PPP2R2C: variants seen among roughly 807,000 people sequenced by gnomAD.
PPP2R2C encodes the protein protein phosphatase 2, regulatory subunit B, gamma.
In PPP2R2C, 10 loss-of-function variants were observed where a neutral mutation model predicts 45.3. The observed-to-expected ratio is 0.22, with a 90% CI of 0.14 to 0.37. The LOEUF (loss-of-function observed/expected upper bound fraction) is 0.37, where lower values mean the gene tolerates loss of function less well. PPP2R2C is among the 10% of genes least tolerant of loss of function. The pLI, the probability that PPP2R2C is intolerant of heterozygous loss-of-function variation, is 1.00. For missense variants in PPP2R2C, 308 were observed against 619.7 expected (o/e 0.50, Z 5.34); for synonymous variants, 257 against 245.4 (o/e 1.05, Z -0.44).
chr4:6,334,896 G>A (rs1732722386), intron 6 of PPP2R2C, among the ~76,000 whole-genome samples: 1 of 152,248 alleles, frequency 6.6e-6, no homozygotes, highest in Non-Finnish European at 1.5e-5. Context: ...CAGCCACAAG[G>A]GCTCGTGTCC....
chr4:6,426,880 C>T lies in PPP2R2C; in HGVS notation c.70+45280G>A, dbSNP rs116834368. Among the ~76,000 whole-genome samples the T allele has an allele frequency of 8.4e-3, 1,284 of 152,346 alleles. 19 individuals carry two copies. Among genetic ancestry groups the T allele is most frequent in the African/African-American group, 0.029 (1,204 of 41,580 alleles). ...AGTCTTGCTCCCCAAGTTTTGCACA[C>T]AGAGCTCAAGGAGGCAGCTGTCTCA... On this transcript the variant is annotated intron_variant, in intron 1 of 8. Coordinates refer to ENST00000382599, the MANE Select transcript of PPP2R2C (RefSeq NM_020416.4).
intron 2 of PPP2R2C, among the ~76,000 whole-genome samples, chr4:6,479,170 C>G (rs1722265615): frequency 6.6e-6 from 1 of 152,196 alleles, no homozygotes; most frequent in Non-Finnish European, 1.5e-5. Context: ...AGAGATGTAC[C>G]CAGGTCTGTG....
intron 6 of PPP2R2C, among the ~76,000 whole-genome samples, chr4:6,342,999 A>G (rs1189386704): frequency 1.3e-5 from 2 of 152,148 alleles, no homozygotes; most frequent in Admixed American, 6.5e-5. Context: ...GGGTGTCACT[A>G]TCAGCCACTC....
At chr4:6,430,785 TGTG>T (rs1719570127) in intron 1 of PPP2R2C, among the ~76,000 whole-genome samples, 1 of 152,008 alleles carries the variant, frequency 6.6e-6, no homozygotes, top group African/African-American at 2.4e-5. Flanking sequence ...ATTAGCCAGT[TGTG>T]GTGGTAGGCA....
chr4:6,493,210 C>G (rs1722762090), intron 2 of PPP2R2C, among the ~76,000 whole-genome samples: 2 of 152,252 alleles, frequency 1.3e-5, no homozygotes, highest in South Asian at 2.1e-4. Context: ...CTGCCATCCA[C>G]CCACCCACAC....
chr4:6,434,800 C>G (rs1007891422), intron 1 of PPP2R2C, among the ~76,000 whole-genome samples: 32 of 150,154 alleles, frequency 2.1e-4, no homozygotes, highest in Non-Finnish European at 3.3e-4. Flanking sequence ...GATAAAAAAA[C>G]AGTATCTTAA....
intron 1 of PPP2R2C, among the ~76,000 whole-genome samples, chr4:6,439,679 A>C (rs1269952003): frequency 6.6e-6 from 1 of 152,076 alleles, no homozygotes; most frequent in African/African-American, 2.4e-5. Context: ...CCCCACCATG[A>C]ACAGAGAGGT....
chr4:6,551,998 G>A (rs1352573645), intron 1 of PPP2R2C, among the ~76,000 whole-genome samples: 4 of 152,224 alleles, frequency 2.6e-5, no homozygotes, highest in African/African-American at 9.6e-5. Context: ...GGAAGTGGAA[G>A]GAAAAGATGA....
Position 6,563,387 on chromosome 4 carries a change from T to G in PPP2R2C, c.-59+173A>C, listed in dbSNP as rs1391732919. Among the ~76,000 whole-genome samples, 1 of 152,216 alleles carries G rather than the reference T, an allele frequency of 6.6e-6. No individual in the cohort carries two copies. Among genetic ancestry groups the G allele is most frequent in the East Asian group, 1.9e-4 (1 of 5,164 alleles). Reference sequence around the variant, plus strand: ...CCCCGGGGTCGGTGCCCGGGCTCTCTGAGTCTCGCTTCTGGCCCGCGAAGA... The same window carrying G: ...CCCCGGGGTCGGTGCCCGGGCTCTCGGAGTCTCGCTTCTGGCCCGCGAAGA... On this transcript the variant is annotated intron_variant, in intron 1 of 9. Coordinates refer to the PPP2R2C transcript ENST00000506140. This position sits in a 1 kb window ranked among gnomAD's most constrained non-coding sequence, Gnocchi z 5.8.
chr4:6,479,748 TTTTA>T (rs916569699), intron 2 of PPP2R2C, among the ~76,000 whole-genome samples: 1 of 151,980 alleles, frequency 6.6e-6, no homozygotes, highest in Non-Finnish European at 1.5e-5. Context: ...TTTTTTTGTA[TTTTA>T]TTTGTTTTAG....
chr4:6,429,944 G>A (rs1195635982), intron 1 of PPP2R2C, among the ~76,000 whole-genome samples: 4 of 152,070 alleles, frequency 2.6e-5, no homozygotes, highest in Non-Finnish European at 2.9e-5. Context: ...CTGAACACAA[G>A]GCCCAGAGAA....
chr4:6,562,579 C>T (rs572872375), intron 1 of PPP2R2C, among the ~76,000 whole-genome samples: 2 of 152,236 alleles, frequency 1.3e-5, no homozygotes, highest in South Asian at 4.1e-4. Flanking sequence ...CTTCCATCAC[C>T]CACCTCACTG....
chr4:6,345,553 C>G lies in PPP2R2C; in HGVS notation c.790+2293G>C, dbSNP rs559154802. On this transcript the variant is annotated intron_variant, in intron 6 of 8. Coordinates refer to ENST00000382599, the MANE Select transcript of PPP2R2C (RefSeq NM_020416.4). This position sits in a 1 kb window ranked among gnomAD's most constrained non-coding sequence, Gnocchi z 5.3. ...GAAAGACAGACAGGAGGGTCAGAGA[C>G]GTGAGAGAGGCTTGGCCGCTGTGGG... Among the ~76,000 whole-genome samples the G allele has an allele frequency of 1.4e-4, 21 of 152,262 alleles. 2 individuals carry two copies. The South Asian group carries it at 4.1e-3, about 30-fold the overall frequency.
In PPP2R2C at chr4:6,372,548, G is replaced by A; in HGVS notation, c.600C>T (p.His200=). 1 of 1,614,240 alleles carries A rather than the reference G, an allele frequency of 6.2e-7. No individual in the cohort carries two copies. The highest frequency in any genetic ancestry group is 1.1e-5 in the South Asian group (1 of 91,086). Residue 200 remains histidine (H), a synonymous_variant, in exon 5 of 9, where the codon CAC becomes CAT. Transcript: ENST00000382599. The part of the protein sequence containing the change: ...SADDLRINLW[H]LAITDRSFNI... ...TGAAGCTCCTGTCGGTGATGGCCAG[G>A]TGCCAGAGGTTGATGCGCAGGTCAT...
intron 1 of PPP2R2C, among the ~76,000 whole-genome samples, chr4:6,414,370 G>C (rs1718418874): frequency 6.6e-6 from 1 of 152,122 alleles, no homozygotes; most frequent in Non-Finnish European, 1.5e-5. Flanking sequence ...GCATTCTGTG[G>C]AAACTAACAA....
chr4:6,487,196 C>G (rs1722557087), intron 2 of PPP2R2C, among the ~76,000 whole-genome samples: 2 of 152,088 alleles, frequency 1.3e-5, no homozygotes, highest in South Asian at 4.2e-4. Context: ...ATGTTATAAA[C>G]CTCACACTAC....
At chr4:6,341,532 G>A (rs1334824646) in intron 6 of PPP2R2C, among the ~76,000 whole-genome samples, 3 of 152,104 alleles carry the variant, frequency 2.0e-5, no homozygotes, top group Non-Finnish European at 4.4e-5. Flanking sequence ...ATGTAGCAGA[G>A]AACAATGACC....
intron 1 of PPP2R2C, among the ~76,000 whole-genome samples, chr4:6,562,171 G>A (rs578049418): frequency 2.0e-5 from 3 of 152,162 alleles, no homozygotes; most frequent in Non-Finnish European, 4.4e-5. Flanking sequence ...AGAGTGCGGG[G>A]GACAATGAGA....
intron 8 of PPP2R2C, among the ~76,000 whole-genome samples, chr4:6,326,906 G>C (rs1731991534): frequency 6.6e-6 from 1 of 152,238 alleles, no homozygotes; most frequent in Non-Finnish European, 1.5e-5. Context: ...CCAGGAATAA[G>C]AGGGCAGCAA....
Sources: allele counts gnomAD v4.1 joint callset (sites outside exome capture counted in the v4.1 genomes callset), GRCh38; gene constraint gnomAD v4.1.1; non-coding constraint Gnocchi (gnomAD v3.1); transcripts MANE v1.5; gene names NCBI Gene and HGNC (gene_info 2026-07-23, HGNC 2026-07-21).